Variants in CLASP1 observed in about 807,000 individuals in gnomAD.
CLASP1 encodes CLIP-associating protein 1.
A neutral mutation model predicts 192.3 loss-of-function variants in CLASP1; 38 were observed. That is an observed-to-expected ratio of 0.20 (90% CI 0.15 to 0.26). The LOEUF is 0.26. Among genes scored for constraint, CLASP1 ranks in the 10% least tolerant of loss-of-function variants. CLASP1 has a pLI of 1.00. For missense variants in CLASP1, 1,433 were observed against 1,932.5 expected, an observed-to-expected ratio of 0.74 and a Z score of 4.85; for synonymous variants, 691 against 712.8, an observed-to-expected ratio of 0.97 and a Z score of 0.49.
intron 22 of CLASP1, 137 bp from the exon 23 acceptor site, chr2:121,418,866 C>CTATA: frequency 1.6e-6 from 1 of 643,684 alleles, no homozygotes; most frequent in South Asian, 1.8e-5. Flanking sequence ...ACTGAGCCAC[C>CTATA]TATCCATGCT....
At chr2:121,393,683 GA>G (rs1015834340) in intron 30 of CLASP1, among the ~76,000 whole-genome samples, 3 of 152,052 alleles carry the variant, frequency 2.0e-5, no homozygotes, top group Non-Finnish European at 4.4e-5. Flanking sequence ...TCAAAACAGG[GA>G]ATTTAAATAA....
intron 32 of CLASP1, among the ~76,000 whole-genome samples, chr2:121,385,185 T>C (rs967402873): frequency 6.6e-6 from 1 of 152,232 alleles, no homozygotes; most frequent in Non-Finnish European, 1.5e-5. Context: ...TCTAGTGACA[T>C]GATAACATGA....
intron 2 of CLASP1, among the ~76,000 whole-genome samples, chr2:121,598,778 C>T (rs2063432452): frequency 6.6e-6 from 1 of 152,164 alleles, no homozygotes; most frequent in South Asian, 2.1e-4. Flanking sequence ...CATTAAATTG[C>T]CCTTGATACC....
At chr2:121,367,529 G>A (rs1041333700) in intron 35 of CLASP1, 59 bp downstream of exon 36, 38 of 1,605,614 alleles carry the variant, frequency 2.4e-5, no homozygotes, top group Non-Finnish European at 2.7e-5. Context: ...CTGGCCAGAC[G>A]GGAGGGAGCA....
Position 121,469,183 on chromosome 2 carries a change from A to AGGCC in CLASP1, c.865+621_865+624dup, listed in dbSNP as rs553073259. Among the ~76,000 whole-genome samples the AGGCC allele has an allele frequency of 2.0e-3, 312 of 152,208 alleles. 1 individual carries two copies. The highest frequency in any genetic ancestry group is 6.0e-3 in the African/African-American group (249 of 41,520). Reference sequence around the variant, plus strand: ...GCCTGCGGTCCAGGTAGAGAAATACAGGCCTTCCACTCCCACAGAGCTACC... The same window carrying AGGCC: ...GCCTGCGGTCCAGGTAGAGAAATACAGGCCGGCCTTCCACTCCCACAGAGCTACC... On this transcript the variant is annotated intron_variant, in intron 9 of 39. Transcript: ENST00000263710.
chr2:121,528,887 G>A, intron 3 of CLASP1, 107 bp from the exon 4 acceptor site: 2 of 827,218 alleles, frequency 2.4e-6, no homozygotes, highest in Non-Finnish European at 4.1e-6. Context: ...TGACCTAAAT[G>A]ATGTATCTCA....
At chr2:121,369,140 T>C (rs932710579) in intron 34 of CLASP1, among the ~76,000 whole-genome samples, 1 of 152,258 alleles carries the variant, frequency 6.6e-6, no homozygotes, top group Non-Finnish European at 1.5e-5. Context: ...TGGATTGCTT[T>C]TGCCTTTTGG....
At chr2:121,583,236 T>C (rs1323572154) in intron 2 of CLASP1, among the ~76,000 whole-genome samples, 1 of 152,174 alleles carries the variant, frequency 6.6e-6, no homozygotes, top group Non-Finnish European at 1.5e-5. Context: ...ATTAGTCCAG[T>C]AGGAAATCTA....
intron 2 of CLASP1, among the ~76,000 whole-genome samples, chr2:121,577,103 A>T (rs2060595220): frequency 6.6e-6 from 1 of 152,180 alleles, no homozygotes; most frequent in South Asian, 2.1e-4. Flanking sequence ...TCTCCAGGGG[A>T]CTGGGGGGCA....
chr2:121,573,356 T>A (rs2060157990), intron 2 of CLASP1, among the ~76,000 whole-genome samples: 2 of 152,222 alleles, frequency 1.3e-5, no homozygotes, highest in Non-Finnish European at 2.9e-5. Flanking sequence ...AAGTTTAAAG[T>A]CCTTTTTTAA....
intron 2 of CLASP1, among the ~76,000 whole-genome samples, chr2:121,599,687 A>G (rs1392027191): frequency 2.6e-5 from 4 of 151,374 alleles, no homozygotes; most frequent in African/African-American, 9.7e-5. Context: ...AGGCCGAGGC[A>G]GTCGGATCAC....
chr2:121,338,757 CA>C (rs1349995306), exon 40 of CLASP1: 18 of 152,238 alleles, frequency 1.2e-4, no homozygotes, highest in African/African-American at 4.3e-4. Context: ...GGACGTCCAG[CA>C]ATGTTCGAGA....
At chr2:121,615,687 G>C (rs2066331539) in intron 1 of CLASP1, among the ~76,000 whole-genome samples, 1 of 152,112 alleles carries the variant, frequency 6.6e-6, no homozygotes, top group African/African-American at 2.4e-5. Context: ...AAGAAGGTAA[G>C]GCAGGAGAAT....
intron 2 of CLASP1, among the ~76,000 whole-genome samples, chr2:121,558,085 GAAAAA>G (rs397961554): frequency 6.3e-5 from 5 of 79,330 alleles, no homozygotes; most frequent in Non-Finnish European, 8.1e-5. Flanking sequence ...GTCTCAAAAA[GAAAAA>G]AAAAAAAAAA....
intron 20 of CLASP1, among the ~76,000 whole-genome samples, 173 bp downstream of exon 20, chr2:121,429,900 T>C (rs1036495414): frequency 6.6e-6 from 1 of 152,118 alleles, no homozygotes; most frequent in Admixed American, 6.5e-5. Context: ...ATGCCTGAAA[T>C]GTTTCATTTT....
intron 8 of CLASP1, among the ~76,000 whole-genome samples, chr2:121,496,144 G>GT (rs543479481): frequency 3.6e-4 from 55 of 152,344 alleles, no homozygotes; most frequent in Non-Finnish European, 6.3e-4. Flanking sequence ...ATTAACAACT[G>GT]TAACTACTGT....
chr2:121,575,334 C>T (rs1288873353), intron 2 of CLASP1, among the ~76,000 whole-genome samples: 2 of 152,030 alleles, frequency 1.3e-5, no homozygotes, highest in Admixed American at 6.6e-5. Flanking sequence ...CTTAAACTTC[C>T]GACCTCAGAT....
At chr2:121,365,845 A>G (rs12711546) in intron 35 of CLASP1, among the ~76,000 whole-genome samples, 20,347 of 152,212 alleles carry the variant, frequency 0.13, 1,928 homozygotes, top group African/African-American at 0.26. Context: ...TGGACTATCT[A>G]TGTGGAGACT....
At chr2:121,579,616 G>C (rs1223928978) in intron 2 of CLASP1, among the ~76,000 whole-genome samples, 2 of 152,136 alleles carry the variant, frequency 1.3e-5, no homozygotes, top group African/African-American at 4.8e-5. Flanking sequence ...TATGAGGTTT[G>C]TAATATACAA....
Sources: gnomAD v4.1 joint callset for allele counts (sites outside exome capture counted in the v4.1 genomes callset) on GRCh38, gnomAD v4.1.1 for gene constraint, MANE v1.5 for transcripts, NCBI Gene and HGNC (gene_info 2026-07-23, HGNC 2026-07-21) for gene names.